CD44: variants seen among roughly 807,000 people sequenced by gnomAD.
CD44 encodes the protein CD44 molecule (IN blood group), also known as CD44 antigen.
In CD44, 49 loss-of-function variants were observed where a neutral mutation model predicts 88.8. That is an observed-to-expected ratio of 0.55 (90% confidence interval 0.44 to 0.70). The LOEUF (loss-of-function observed/expected upper bound fraction) is 0.70. CD44 is among the 30% of genes least tolerant of loss of function. CD44 has a pLI of 0.00. For synonymous variants in CD44, 325 were observed against 312.3 expected (o/e 1.04, Z -0.43); for missense variants, 883 against 913.8 (o/e 0.97, Z 0.43).
intron 2 of CD44, among the ~76,000 whole-genome samples, chr11:35,179,373 T>C (rs964305074): frequency 6.6e-6 from 1 of 152,214 alleles, no homozygotes; most frequent in African/African-American, 2.4e-5. Flanking sequence ...TTTGAGGCAT[T>C]TTATATTCAA....
intron 17 of CD44, among the ~76,000 whole-genome samples, chr11:35,227,038 C>T (rs1949750415): frequency 6.6e-6 from 1 of 151,998 alleles, no homozygotes; most frequent in South Asian, 2.1e-4. Flanking sequence ...CACGCACCAC[C>T]ATGCCCCCAT....
chr11:35,146,065 G>A (rs987325785), intron 1 of CD44, among the ~76,000 whole-genome samples: 1 of 152,020 alleles, frequency 6.6e-6, no homozygotes, highest in Non-Finnish European at 1.5e-5. Flanking sequence ...TGGGTCTTGT[G>A]GGGGTGGGGA....
intron 1 of CD44, among the ~76,000 whole-genome samples, chr11:35,176,178 G>GACTAC (rs1274526852): frequency 6.6e-6 from 1 of 152,044 alleles, no homozygotes; most frequent in Non-Finnish European, 1.5e-5. Flanking sequence ...GAGCAGCTGG[G>GACTAC]ACTACAGGCG....
intron 5 of CD44, among the ~76,000 whole-genome samples, chr11:35,192,385 T>A (rs1026306067): frequency 6.6e-6 from 1 of 152,174 alleles, no homozygotes; most frequent in Non-Finnish European, 1.5e-5. Context: ...CTGAGTAGAA[T>A]CGTATTTCTA....
intron 16 of CD44, among the ~76,000 whole-genome samples, chr11:35,220,102 C>G (rs1329479663): frequency 6.6e-6 from 1 of 152,222 alleles, no homozygotes; most frequent in Non-Finnish European, 1.5e-5. Flanking sequence ...TCAGAGGTCT[C>G]CAGACTGAGC....
chr11:35,174,310 C>G (rs1313159130), intron 1 of CD44, among the ~76,000 whole-genome samples: 1 of 152,332 alleles, frequency 6.6e-6, no homozygotes, highest in East Asian at 1.9e-4. Context: ...CTGGTTAATG[C>G]CAGTTCTGTC....
At chr11:35,212,227 G>C (rs1948457790) in intron 14 of CD44, among the ~76,000 whole-genome samples, 1 of 152,048 alleles carries the variant, frequency 6.6e-6, no homozygotes, top group Admixed American at 6.5e-5. Flanking sequence ...CCACTGTAGT[G>C]AAGAAATAAA....
intron 1 of CD44, among the ~76,000 whole-genome samples, chr11:35,163,513 T>C (rs563847007): frequency 7.2e-5 from 11 of 152,198 alleles, no homozygotes; most frequent in Non-Finnish European, 1.3e-4. Context: ...ACAAATATCC[T>C]TCATAGGAGA....
chr11:35,222,775 A>C, intron 17 of CD44: 5 of 984,336 alleles, frequency 5.1e-6, no homozygotes, highest in Non-Finnish European at 6.0e-6. Context: ...TCATAGGAAT[A>C]TTAAGCCTTT....
chr11:35,184,990 G>T (rs1368511205), intron 3 of CD44, among the ~76,000 whole-genome samples: 1 of 152,084 alleles, frequency 6.6e-6, no homozygotes, highest in Non-Finnish European at 1.5e-5. Flanking sequence ...ACACATAAAT[G>T]TTCTGGCCAA....
chr11:35,201,605 G>A, intron 8 of CD44, 66 bp from the exon 9 acceptor site: 1 of 1,588,016 alleles, frequency 6.3e-7, no homozygotes, highest in Non-Finnish European at 8.6e-7. Flanking sequence ...CACTTTAATG[G>A]AAGAATAGAA....
In CD44 at chr11:35,206,952, G is replaced by C. The variant is rs145358857; in HGVS notation, c.1414+709G>C. 1.3e-3 allele frequency among the ~76,000 whole-genome samples: 191 copies of C among 152,338 alleles called. No homozygotes were observed. In the Middle Eastern group the frequency reaches 0.014, roughly 11 times the overall value. On this transcript the variant is annotated intron_variant, in intron 11 of 17. Transcript: ENST00000428726. ...TATTAATTCTATGTACTGATGAAGA[G>C]AAAGAGATTCCATTAAATTAATGAA... is the stretch of plus-strand genomic sequence containing the variant.
intron 15 of CD44, chr11:35,218,935 T>C: frequency 5.1e-6 from 1 of 196,992 alleles, no homozygotes; most frequent in South Asian, 1.2e-4. Flanking sequence ...CATTCTGTTA[T>C]CCCCATCTTA....
Position 35,176,654 on chromosome 11 carries a change from C to T in CD44, c.147C>T (p.Ala49=), listed in dbSNP as rs543786312. The stretch of plus-strand genomic sequence containing the variant: ...GCTACAGCATCTCTCGGACGGAGGC[C>T]GCTGACCTCTGCAAGGCTTTCAATA... The part of the protein sequence containing the change: ...NGRYSISRTE[A]ADLCKAFNST... The change falls in exon 2 of 18, where the codon GCC becomes GCT. Residue 49 remains alanine (A), a synonymous_variant. Coordinates refer to ENST00000428726, the MANE Select transcript of CD44 (RefSeq NM_000610.4). 3.0e-5 allele frequency: 49 copies of T among 1,614,154 alleles called. No individual in the cohort carries two copies. In the Admixed American group the frequency reaches 8.2e-4, roughly 27 times the overall value.
chr11:35,201,158 T>C lies in CD44; in HGVS notation c.999T>C (p.Asn333=), dbSNP rs757467044. The C allele has an allele frequency of 3.7e-5, 59 of 1,614,000 alleles. No homozygotes were observed. The highest frequency in any genetic ancestry group is 4.9e-5 in the Non-Finnish European group (58 of 1,179,884). The change falls in exon 8 of 18, where the codon AAT becomes AAC. Residue 333 remains asparagine (N), a synonymous_variant. Coordinates refer to ENST00000428726, the MANE Select transcript of CD44 (RefSeq NM_000610.4). ...CCCAGTGGAACCCAAGCCATTCAAATCCGGAAGTGCTACTTCAGACAACCA... is the reference window on the plus strand; with the variant it reads ...CCCAGTGGAACCCAAGCCATTCAAACCCGGAAGTGCTACTTCAGACAACCA... The part of the protein sequence containing the change: ...DWTQWNPSHS[N]PEVLLQTTTR...
intron 2 of CD44, 37 bp downstream of exon 2, chr11:35,176,777 C>A (rs375417895): frequency 1.9e-6 from 3 of 1,595,004 alleles, no homozygotes; most frequent in Non-Finnish European, 1.7e-6. Context: ...GGAAAGCTGG[C>A]GGCCTGGGAC....
intron 16 of CD44, among the ~76,000 whole-genome samples, chr11:35,220,269 C>T (rs983313667): frequency 6.6e-6 from 1 of 152,152 alleles, no homozygotes; most frequent in Non-Finnish European, 1.5e-5. Context: ...CAAGATTCTT[C>T]CCAGCTCCAG....
intron 3 of CD44, among the ~76,000 whole-genome samples, chr11:35,181,902 A>AATATATATTATATTTATATAT (rs1945100092): frequency 2.0e-4 from 12 of 59,680 alleles, no homozygotes; most frequent in Non-Finnish European, 3.1e-4. Context: ...ATAATATAAT[A>AATATATATTATATTTATATAT]TATAATATAT....
chr11:35,204,421 G>T, intron 9 of CD44, 91 bp from the exon 10 acceptor site: 1 of 1,244,842 alleles, frequency 8.0e-7, no homozygotes. Context: ...CCCTCCCCAT[G>T]TGTATCTGCC....
Sources: allele counts gnomAD v4.1 joint callset (sites outside exome capture counted in the v4.1 genomes callset), GRCh38; gene constraint gnomAD v4.1.1; transcripts MANE v1.5; gene names NCBI Gene and HGNC (gene_info 2026-07-23, HGNC 2026-07-21).